The following CCDC178 variants were observed in gnomAD, a reference collection of about 807,000 sequenced individuals.
The protein encoded by CCDC178 is coiled-coil domain containing 178.
In CCDC178, 126 loss-of-function variants were observed where a neutral mutation model predicts 117.4. That is an observed-to-expected ratio of 1.07 (90% CI 0.93 to 1.24). The LOEUF is 1.24. Among genes scored for constraint, CCDC178 ranks in the 50% most tolerant of loss-of-function variants. The probability of loss-of-function intolerance (pLI) is 0.00; values close to 1 mark genes in which losing one functional copy is unlikely to be tolerated. For synonymous variants in CCDC178, 283 were observed against 313.4 expected, an observed-to-expected ratio of 0.90 and a Z score of 1.02; for missense variants, 1,030 against 986.9, an observed-to-expected ratio of 1.04 and a Z score of -0.59.
At chr18:33,181,449 T>C (rs1185155529) in intron 20 of CCDC178, among the ~76,000 whole-genome samples, 2 of 151,962 alleles carry the variant, frequency 1.3e-5, no homozygotes. Context: ...CCTAAGAAGA[T>C]AAATTGTCAA....
At chr18:33,010,396 A>T (rs1369148331) in intron 21 of CCDC178, among the ~76,000 whole-genome samples, 1 of 152,176 alleles carries the variant, frequency 6.6e-6, no homozygotes, top group Non-Finnish European at 1.5e-5. Flanking sequence ...TTGTCAAAGC[A>T]CTGTAGTGTG....
chr18:33,323,545 T>A lies in CCDC178; in HGVS notation c.968A>T (p.Lys323Ile). Residue 323 changes from lysine to isoleucine, a missense_variant, in exon 11 of 23, where the codon AAA (lysine) becomes ATA (isoleucine). Coordinates refer to ENST00000383096, the MANE Select transcript of CCDC178 (RefSeq NM_001105528.4). ...GTAAATATCCTTATCAATCTCTTCT[T>A]TAATTTGCTGAGCCTTCAATCTGGC... The part of the protein sequence containing the change: ...ENARLKAQQI[K>I]EEIDKDIYQD... 6.4e-7 allele frequency: 1 copy of A among 1,574,080 alleles called. No individual in the cohort carries two copies. The highest frequency in any genetic ancestry group is 8.6e-7 in the Non-Finnish European group (1 of 1,160,004).
chr18:33,211,840 T>C, intron 20 of CCDC178, 56 bp downstream of exon 20: 1 of 1,439,738 alleles, frequency 6.9e-7, no homozygotes. Context: ...AACTAGCTGC[T>C]AATTTGACTA....
At chr18:33,212,078 GC>G in intron 19 of CCDC178, 23 bp from the exon 20 acceptor site, 2 of 1,511,352 alleles carry the variant, frequency 1.3e-6, no homozygotes, top group Non-Finnish European at 1.8e-6. Context: ...AATTCCATGT[GC>G]CACTAATCAA....
chr18:33,409,744 T>C (rs2063825569), intron 3 of CCDC178, among the ~76,000 whole-genome samples: 5 of 152,156 alleles, frequency 3.3e-5, no homozygotes. Flanking sequence ...ACATACAGAA[T>C]AGGAAATCTG....
chr18:33,322,273 A>T (rs1035715153), intron 11 of CCDC178, among the ~76,000 whole-genome samples: 1 of 151,990 alleles, frequency 6.6e-6, no homozygotes, highest in African/African-American at 2.4e-5. Flanking sequence ...GTATTTTAAA[A>T]GTGCAGATTC....
chr18:33,068,218 T>C (rs1378055376), intron 21 of CCDC178, among the ~76,000 whole-genome samples: 2 of 152,144 alleles, frequency 1.3e-5, no homozygotes, highest in Non-Finnish European at 2.9e-5. Context: ...GATGGCTTTA[T>C]TGCTAAATTC....
At chr18:33,008,481 G>A (rs2144790464) in intron 21 of CCDC178, among the ~76,000 whole-genome samples, 1 of 152,084 alleles carries the variant, frequency 6.6e-6, no homozygotes, top group South Asian at 2.1e-4. Context: ...CAATTCCTCA[G>A]TTCTTCTCTA....
At chr18:33,339,800 C>T (rs900894462) in intron 9 of CCDC178, among the ~76,000 whole-genome samples, 1 of 152,032 alleles carries the variant, frequency 6.6e-6, no homozygotes, top group South Asian at 2.1e-4. Flanking sequence ...GTAAGAAGTG[C>T]CTTTCACCAC....
At chr18:33,011,439 G>T (rs2144798827) in intron 21 of CCDC178, among the ~76,000 whole-genome samples, 1 of 152,134 alleles carries the variant, frequency 6.6e-6, no homozygotes. Context: ...AAAATATTCA[G>T]TATAATAATT....
intron 20 of CCDC178, among the ~76,000 whole-genome samples, chr18:33,149,495 C>G (rs937098182): frequency 3.3e-5 from 5 of 152,188 alleles, no homozygotes; most frequent in Non-Finnish European, 5.9e-5. Flanking sequence ...AAAGCTAGTT[C>G]TCTTCAGCAG....
At chr18:33,126,025 G>C (rs770514242) in intron 20 of CCDC178, among the ~76,000 whole-genome samples, 3 of 152,150 alleles carry the variant, frequency 2.0e-5, no homozygotes, top group Non-Finnish European at 4.4e-5. Context: ...GAGATTTTTA[G>C]TTTTGTGTGT....
chr18:33,184,080 T>G (rs1644261402), intron 20 of CCDC178, among the ~76,000 whole-genome samples: 1 of 152,086 alleles, frequency 6.6e-6, no homozygotes, highest in African/African-American at 2.4e-5. Context: ...AAGTTTGAAC[T>G]GTAGATTTGG....
chr18:33,271,517 GAACA>G (rs1451853682), intron 12 of CCDC178, among the ~76,000 whole-genome samples: 3 of 151,326 alleles, frequency 2.0e-5, no homozygotes, highest in Non-Finnish European at 4.4e-5. Flanking sequence ...AAAATTGCTA[GAACA>G]AACAAAGAAT....
intron 21 of CCDC178, among the ~76,000 whole-genome samples, chr18:32,999,880 A>G (rs1392910624): frequency 6.6e-6 from 1 of 152,100 alleles, no homozygotes; most frequent in Admixed American, 6.5e-5. Context: ...CCCAAGTAGA[A>G]CAGGTACAAA....
chr18:33,221,462 A>T (rs1369114768), intron 18 of CCDC178, among the ~76,000 whole-genome samples: 2 of 152,042 alleles, frequency 1.3e-5, no homozygotes, highest in Non-Finnish European at 2.9e-5. Context: ...TTGATGAGAC[A>T]CTTAGTGCCT....
At chr18:32,958,296 T>C in intron 22 of CCDC178, 1 of 414,074 alleles carries the variant, frequency 2.4e-6, no homozygotes, top group South Asian at 3.7e-5. Context: ...TTGCAAGTTT[T>C]CATTTCTGTG....
intron 12 of CCDC178, among the ~76,000 whole-genome samples, chr18:33,287,244 A>G (rs1297442156): frequency 1.3e-5 from 2 of 152,232 alleles, no homozygotes; most frequent in Admixed American, 6.5e-5. Flanking sequence ...GGAAGTTTCA[A>G]TTGCATACCA....
intron 20 of CCDC178, among the ~76,000 whole-genome samples, chr18:33,097,616 T>C (rs555776259): frequency 4.9e-4 from 74 of 152,242 alleles, no homozygotes; most frequent in African/African-American, 1.7e-3. Context: ...CCTGTACCCT[T>C]AACCGTCCAA....
Sources: gnomAD v4.1 joint callset for allele counts (sites outside exome capture counted in the v4.1 genomes callset) on GRCh38, gnomAD v4.1.1 for gene constraint, MANE v1.5 for transcripts, NCBI Gene and HGNC (gene_info 2026-07-23, HGNC 2026-07-21) for gene names.